PTPRT: variants seen among roughly 807,000 people sequenced by gnomAD.
PTPRT encodes protein tyrosine phosphatase receptor type T.
PTPRT carries 56 observed loss-of-function variants against 176.8 expected under a neutral mutation model. The observed-to-expected ratio is 0.32, with a 90% confidence interval of 0.26 to 0.40. The LOEUF is 0.40. Ranked by LOEUF, PTPRT falls within the 10% of genes least tolerant of loss-of-function variation. The pLI, the probability that PTPRT is intolerant of heterozygous loss-of-function variation, is 1.00. For synonymous variants in PTPRT, 783 were observed against 739.0 expected (o/e 1.06, Z -0.96); for missense variants, 1,540 against 1,908.2 (o/e 0.81, Z 3.60).
intron 17 of PTPRT, among the ~76,000 whole-genome samples, chr20:42,146,955 G>A (rs1424513807): frequency 6.6e-6 from 1 of 152,112 alleles, no homozygotes; most frequent in African/African-American, 2.4e-5. Flanking sequence ...ACTCCTACAT[G>A]TCCTTCAAAA....
chr20:42,144,337 T>C (rs1261803007), intron 17 of PTPRT, among the ~76,000 whole-genome samples: 1 of 152,112 alleles, frequency 6.6e-6, no homozygotes, highest in Non-Finnish European at 1.5e-5. Context: ...CTGCACACTT[T>C]TTTAAAAACA....
chr20:43,149,063 T>C (rs35816625), intron 1 of PTPRT, among the ~76,000 whole-genome samples: 2 of 152,232 alleles, frequency 1.3e-5, no homozygotes, highest in African/African-American at 4.8e-5. Flanking sequence ...GCTCTAATTG[T>C]TTTCTCATGT....
the PTPRT span, among the ~76,000 whole-genome samples, chr20:42,032,539 G>T: frequency 1.6e-4 from 24 of 152,162 alleles, 1 homozygote; most frequent in Admixed American, 1.5e-3. Flanking sequence ...ATTCCTTATT[G>T]ATCATGAGAA....
chr20:42,361,393 T>C (rs1368995167), intron 9 of PTPRT, among the ~76,000 whole-genome samples: 1 of 152,100 alleles, frequency 6.6e-6, no homozygotes, highest in Non-Finnish European at 1.5e-5. Context: ...CATTAAAAGG[T>C]GGTGTTTATA....
chr20:43,028,968 G>A (rs1319894926), intron 1 of PTPRT, among the ~76,000 whole-genome samples: 1 of 152,144 alleles, frequency 6.6e-6, no homozygotes, highest in Admixed American at 6.6e-5. Flanking sequence ...TCACCCCTTG[G>A]AGTCCATCAC....
intron 15 of PTPRT, among the ~76,000 whole-genome samples, chr20:42,215,906 C>A (rs2055757717): frequency 6.6e-6 from 1 of 152,186 alleles, no homozygotes; most frequent in Non-Finnish European, 1.5e-5. Context: ...TGAGCTGAGG[C>A]TGAGCTGAAC....
In PTPRT at chr20:42,235,320, T is replaced by C. The variant is rs1301962729; in HGVS notation, c.2342+909A>G. On this transcript the variant is annotated intron_variant, in intron 15 of 30. Coordinates refer to ENST00000373187, the MANE Select transcript of PTPRT (RefSeq NM_007050.6). ...TCTTGTTGCCCAGGCTGGAGCGCAATGGTACGATTTTGGCTCACTACAACC... is the reference window on the plus strand; with the variant it reads ...TCTTGTTGCCCAGGCTGGAGCGCAACGGTACGATTTTGGCTCACTACAACC... 6.6e-5 allele frequency among the ~76,000 whole-genome samples: 10 copies of C among 152,050 alleles called. No homozygotes were observed. The South Asian group carries it at 1.9e-3, about 28-fold the overall frequency.
chr20:42,110,053 T>TC (rs957791666), intron 23 of PTPRT, among the ~76,000 whole-genome samples: 5 of 150,816 alleles, frequency 3.3e-5, no homozygotes, highest in African/African-American at 1.2e-4. Flanking sequence ...CTTTTTCTTT[T>TC]TTTTTTTTTT....
intron 1 of PTPRT, among the ~76,000 whole-genome samples, chr20:42,950,191 C>T (rs1331747097): frequency 1.3e-5 from 2 of 152,194 alleles, no homozygotes; most frequent in African/African-American, 4.8e-5. Flanking sequence ...CACTGGTGCC[C>T]TGACGGCACT....
chr20:43,028,558 C>T (rs1413561031), intron 1 of PTPRT, among the ~76,000 whole-genome samples: 1 of 152,164 alleles, frequency 6.6e-6, no homozygotes, highest in African/African-American at 2.4e-5. Context: ...GCACTTTGGT[C>T]TTCTCCCCAG....
chr20:42,774,460 G>C (rs1885833), intron 4 of PTPRT, among the ~76,000 whole-genome samples: 20,372 of 152,110 alleles, frequency 0.13, 1,533 homozygotes, highest in Non-Finnish European at 0.14. Context: ...CTTTGTATAG[G>C]GGTGTCAAAC....
chr20:42,447,719 G>C (rs544995875), intron 9 of PTPRT, among the ~76,000 whole-genome samples: 16 of 152,272 alleles, frequency 1.1e-4, no homozygotes, highest in Admixed American at 5.2e-4. Flanking sequence ...GCTTGGAATG[G>C]GGGCTTTGGA....
At chr20:42,374,537 G>A (rs2145610826) in intron 9 of PTPRT, among the ~76,000 whole-genome samples, 1 of 152,098 alleles carries the variant, frequency 6.6e-6, no homozygotes. Flanking sequence ...AACATATATG[G>A]CAGAGAACGT....
chr20:43,076,811 T>C (rs902861674), intron 1 of PTPRT, among the ~76,000 whole-genome samples: 14 of 152,182 alleles, frequency 9.2e-5, no homozygotes, highest in Non-Finnish European at 2.1e-4. Flanking sequence ...CCTGGGTCTC[T>C]ATTAAAGCAT....
At chr20:42,698,887 A>G (rs546490706) in intron 6 of PTPRT, among the ~76,000 whole-genome samples, 1 of 148,172 alleles carries the variant, frequency 6.7e-6, no homozygotes, top group African/African-American at 2.6e-5. Flanking sequence ...ATGAACGAAC[A>G]AATAAATGGC....
intron 13 of PTPRT, among the ~76,000 whole-genome samples, chr20:42,275,383 T>G (rs546559268): frequency 6.6e-6 from 1 of 152,332 alleles, no homozygotes; most frequent in African/African-American, 2.4e-5. Flanking sequence ...TGCTTTGCAA[T>G]AACAGACTTG....
At chr20:43,104,669 C>T (rs6016955) in intron 1 of PTPRT, among the ~76,000 whole-genome samples, 20,423 of 152,198 alleles carry the variant, frequency 0.13, 1,422 homozygotes, top group South Asian at 0.16. Flanking sequence ...TTTTGCTCTG[C>T]AGACTTCTAA....
Position 43,044,684 on chromosome 20 carries a change from T to C in PTPRT, c.88+144962A>G, listed in dbSNP as rs553914576. The stretch of plus-strand genomic sequence containing the variant: ...ACTGATAGCACCTACCTCAAAGCAC[T>C]GTCAGGAGGATTAAATGCACCAAGG... On this transcript the variant is annotated intron_variant, in intron 1 of 30. Transcript: ENST00000373187. 2.0e-5 allele frequency among the ~76,000 whole-genome samples: 3 copies of C among 152,280 alleles called. No homozygotes were observed. The East Asian group carries it at 5.8e-4, about 29-fold the overall frequency.
intron 9 of PTPRT, among the ~76,000 whole-genome samples, chr20:42,391,011 T>G (rs2058794817): frequency 6.6e-6 from 1 of 152,176 alleles, no homozygotes; most frequent in South Asian, 2.1e-4. Context: ...TTCATTGCTT[T>G]TAAAATCAGA....
Sources: allele counts gnomAD v4.1 joint callset (sites outside exome capture counted in the v4.1 genomes callset), GRCh38; gene constraint gnomAD v4.1.1; transcripts MANE v1.5; gene names NCBI Gene and HGNC (gene_info 2026-07-23, HGNC 2026-07-21).